Variants in DDX46 observed in about 807,000 individuals in gnomAD.
DDX46 encodes probable ATP-dependent RNA helicase DDX46.
A neutral mutation model predicts 134.9 loss-of-function variants in DDX46; 30 were observed. The ratio of observed to expected loss-of-function variants is 0.22; its 90% CI spans 0.17 to 0.30. DDX46 has a LOEUF of 0.30. DDX46 is among the 10% of genes least tolerant of loss of function. The probability of loss-of-function intolerance (pLI) is 1.00; values close to 1 mark genes in which losing one functional copy is unlikely to be tolerated. For missense variants in DDX46, 622 were observed against 1,248.7 expected (o/e 0.50, Z 7.56); for synonymous variants, 415 against 404.1 (o/e 1.03, Z -0.32).
chr5:134,765,104 T>C (rs1206989022), intron 2 of DDX46, among the ~76,000 whole-genome samples: 1 of 150,872 alleles, frequency 6.6e-6, no homozygotes, highest in African/African-American at 2.4e-5. Context: ...AGTCTCACTC[T>C]GTCACCCAGG....
chr5:134,812,681 G>T (rs1317083175), intron 18 of DDX46, among the ~76,000 whole-genome samples: 1 of 151,808 alleles, frequency 6.6e-6, no homozygotes, highest in Non-Finnish European at 1.5e-5. Flanking sequence ...CTGTCACCCA[G>T]GCCAGACTGC....
chr5:134,813,091 G>A (rs754153784), intron 18 of DDX46, among the ~76,000 whole-genome samples: 4 of 152,024 alleles, frequency 2.6e-5, no homozygotes, highest in Non-Finnish European at 4.4e-5. Flanking sequence ...ACAGGCACGC[G>A]CCACCATGCT....
intron 20 of DDX46, 84 bp downstream of exon 20, chr5:134,817,798 C>T (rs1439140534): frequency 1.8e-6 from 2 of 1,110,996 alleles, no homozygotes; most frequent in African/African-American, 1.6e-5. Flanking sequence ...AACCCATGAA[C>T]ATTTTAATAG....
intron 7 of DDX46, among the ~76,000 whole-genome samples, chr5:134,781,525 T>A (rs950676539): frequency 6.6e-6 from 1 of 152,188 alleles, no homozygotes; most frequent in African/African-American, 2.4e-5. Flanking sequence ...ACAGAATGAA[T>A]TAATTTTCTT....
intron 3 of DDX46, among the ~76,000 whole-genome samples, 199 bp from the exon 4 acceptor site, chr5:134,770,704 C>T (rs192710015): frequency 3.3e-5 from 5 of 151,472 alleles, no homozygotes; most frequent in East Asian, 1.9e-4. Flanking sequence ...CTCAGCTATT[C>T]GGGAGTCTGT....
rs552436149 is a variant in DDX46 at position 134,777,513 on chromosome 5, T to C, written c.614-61T>C. The C allele has an allele frequency of 7.3e-5, 116 of 1,591,832 alleles. 1 individual carries two copies. The East Asian group carries it at 2.5e-3, about 34-fold the overall frequency. ...AAGGTTAGAGAGGTGGGGTGTGGTCTGATTGTGAAATACTGCATTTTTAAA... is the reference window on the plus strand; with the variant it reads ...AAGGTTAGAGAGGTGGGGTGTGGTCCGATTGTGAAATACTGCATTTTTAAA... On this transcript the variant is annotated intron_variant, in intron 5 of 22. Coordinates refer to ENST00000452510, the MANE Select transcript of DDX46 (RefSeq NM_001300860.2).
At chr5:134,760,951 G>A (rs987324799) in intron 1 of DDX46, among the ~76,000 whole-genome samples, 4 of 151,904 alleles carry the variant, frequency 2.6e-5, no homozygotes, top group African/African-American at 7.3e-5. Context: ...GGGTGGTCTC[G>A]ATCTCCTGAC....
At chr5:134,799,949 A>G (rs901007943) in intron 15 of DDX46, among the ~76,000 whole-genome samples, 2 of 152,006 alleles carry the variant, frequency 1.3e-5, no homozygotes, top group African/African-American at 2.4e-5. Context: ...TCCAGAGTTA[A>G]CCACTTTTAC....
At chr5:134,809,810 A>G (rs1009801348) in intron 16 of DDX46, among the ~76,000 whole-genome samples, 3 of 152,042 alleles carry the variant, frequency 2.0e-5, no homozygotes, top group African/African-American at 7.2e-5. Context: ...GGAGTTCAAG[A>G]CCAGCCTGAC....
chr5:134,818,985 G>A lies in DDX46; in HGVS notation c.2958G>A (p.Lys986=), dbSNP rs1359766203. ...AAGAACCCAAGGAAGGCGAGCGGAA[G>A]ATTTACTTGGCAATTGAAAGTATGT... is the stretch of plus-strand genomic sequence containing the variant. ...PGKEPKEGER[K]IYLAIESANE... Residue 986 remains lysine, a synonymous_variant, in exon 21 of 23, where the codon AAG becomes AAA. Coordinates refer to ENST00000452510, the MANE Select transcript of DDX46 (RefSeq NM_001300860.2). 6.2e-7 allele frequency: 1 copy of A among 1,613,568 alleles called. No individual in the cohort carries two copies. Among genetic ancestry groups the A allele is most frequent in the Non-Finnish European group, 8.5e-7 (1 of 1,179,764 alleles).
chr5:134,815,135 G>A (rs1243009208), intron 18 of DDX46, among the ~76,000 whole-genome samples: 1 of 152,182 alleles, frequency 6.6e-6, no homozygotes, highest in Admixed American at 6.5e-5. Flanking sequence ...TGTGGTCCTA[G>A]CTACTTGGGA....
At chr5:134,768,501 G>A (rs72800339) in intron 3 of DDX46, among the ~76,000 whole-genome samples, 7,599 of 151,306 alleles carry the variant, frequency 0.05, 413 homozygotes, top group South Asian at 0.24. Context: ...GCAATTCCAA[G>A]CAAAGACCAA....
intron 13 of DDX46, among the ~76,000 whole-genome samples, chr5:134,792,199 A>G (rs1463707006): frequency 6.6e-6 from 1 of 151,990 alleles, no homozygotes; most frequent in Non-Finnish European, 1.5e-5. Context: ...TATAATAATA[A>G]TAATAGTAAT....
chr5:134,804,530 C>G (rs979072801), intron 15 of DDX46, among the ~76,000 whole-genome samples: 1 of 152,138 alleles, frequency 6.6e-6, no homozygotes, highest in African/African-American at 2.4e-5. Flanking sequence ...CTGAACCTCT[C>G]TTTGCTCAGG....
chr5:134,779,874 G>A (rs954628538), intron 6 of DDX46, among the ~76,000 whole-genome samples: 12 of 152,204 alleles, frequency 7.9e-5, no homozygotes, highest in African/African-American at 2.2e-4. Flanking sequence ...CGAGGCAGAC[G>A]GATCACCTGA....
intron 11 of DDX46, among the ~76,000 whole-genome samples, chr5:134,786,456 T>G (rs745312866): frequency 1.3e-5 from 2 of 152,190 alleles, no homozygotes; most frequent in Non-Finnish European, 2.9e-5. Flanking sequence ...ATTTATTAAG[T>G]TGACCAATTA....
chr5:134,804,685 A>G (rs1754931308), intron 15 of DDX46: 1 of 205,064 alleles, frequency 4.9e-6, no homozygotes, highest in African/African-American at 2.3e-5. Context: ...GTTCCGGAAA[A>G]GTCATTTTTC....
At chr5:134,762,660 G>A (rs1349678654) in intron 1 of DDX46, among the ~76,000 whole-genome samples, 1 of 151,892 alleles carries the variant, frequency 6.6e-6, no homozygotes, top group African/African-American at 2.4e-5. Context: ...TTGAACCTGG[G>A]AGGCAGAGGT....
In DDX46 at chr5:134,783,034, A is replaced by G; in HGVS notation, c.1135A>G (p.Ile379Val). 6.2e-7 allele frequency: 1 copy of G among 1,613,590 alleles called. No individual in the cohort carries two copies. The highest frequency in any genetic ancestry group is 8.5e-7 in the Non-Finnish European group (1 of 1,179,686). ...AATTAAATCCTGGGTCCAGTGTGGA[A>G]TTTCCATGAAGATCTTAAATTCCCT... ...KPIKSWVQCGISMKILNSLKK... is the reference protein window; with the variant it reads ...KPIKSWVQCGVSMKILNSLKK... Residue 379 changes from isoleucine (I) to valine (V), a missense_variant, in exon 9 of 23, where the codon ATT becomes GTT. This residue lies in a region of DDX46 where 63 missense variants were observed against 84.0 expected (regional missense o/e 0.75). Transcript: ENST00000452510.
Sources: allele counts gnomAD v4.1 joint callset (sites outside exome capture counted in the v4.1 genomes callset), GRCh38; gene constraint gnomAD v4.1.1; regional missense constraint gnomAD v4.1.1; transcripts MANE v1.5; gene names NCBI Gene and HGNC (gene_info 2026-07-23, HGNC 2026-07-21).